The following COL24A1 variants were observed in gnomAD, a reference collection of about 807,000 sequenced individuals.
COL24A1 encodes the protein collagen type XXIV alpha 1 chain, also known as collagen alpha-1(XXIV) chain.
In COL24A1, 224 loss-of-function variants were observed where a neutral mutation model predicts 253.9. The observed-to-expected ratio is 0.88, with a 90% confidence interval of 0.79 to 0.99. The LOEUF is 0.99. Ranked by LOEUF, COL24A1 falls within the 50% of genes least tolerant of loss-of-function variation. COL24A1 has a pLI of 0.00. For missense variants in COL24A1, 2,131 were observed against 2,068.5 expected, an observed-to-expected ratio of 1.03 and a Z score of -0.59; for synonymous variants, 685 against 673.7, an observed-to-expected ratio of 1.02 and a Z score of -0.26.
At chr1:85,781,335 A>G (rs1319049026) in intron 51 of COL24A1, 62 bp from the exon 52 acceptor site, 3 of 1,146,308 alleles carry the variant, frequency 2.6e-6, no homozygotes, top group Non-Finnish European at 2.5e-6. Flanking sequence ...AAAACTCCAC[A>G]GAATCTCTTG....
chr1:85,990,257 T>C (rs575653446), intron 19 of COL24A1, among the ~76,000 whole-genome samples: 41 of 152,322 alleles, frequency 2.7e-4, no homozygotes, highest in African/African-American at 9.9e-4. Context: ...ATCCTGTCCA[T>C]CCTCCAGATA....
At chr1:85,767,215 A>G (rs1667477237) in intron 53 of COL24A1, among the ~76,000 whole-genome samples, 1 of 152,154 alleles carries the variant, frequency 6.6e-6, no homozygotes, top group Non-Finnish European at 1.5e-5. Flanking sequence ...TCTCAATACA[A>G]TAGGTCTTAG....
At chr1:85,934,143 C>A (rs908481893) in intron 24 of COL24A1, among the ~76,000 whole-genome samples, 4 of 152,056 alleles carry the variant, frequency 2.6e-5, no homozygotes, top group Non-Finnish European at 5.9e-5. Flanking sequence ...GTTGGCTTCC[C>A]CCAGATTAAG....
intron 43 of COL24A1, among the ~76,000 whole-genome samples, chr1:85,830,456 T>G (rs906021623): frequency 1.3e-5 from 2 of 152,120 alleles, no homozygotes; most frequent in East Asian, 3.9e-4. Context: ...CCACCCAGTT[T>G]GAGCTTCCCG....
intron 5 of COL24A1, among the ~76,000 whole-genome samples, chr1:86,102,372 G>A (rs1704547163): frequency 6.6e-6 from 1 of 151,994 alleles, no homozygotes; most frequent in South Asian, 2.1e-4. Context: ...GATTTTGCAT[G>A]TCTCAATCTC....
chr1:86,029,292 G>A (rs1698331406), intron 14 of COL24A1, among the ~76,000 whole-genome samples: 1 of 152,176 alleles, frequency 6.6e-6, no homozygotes, highest in South Asian at 2.1e-4. Flanking sequence ...AGATCACCTG[G>A]CTTCAAATCT....
intron 14 of COL24A1, among the ~76,000 whole-genome samples, chr1:86,026,436 T>G (rs1465950226): frequency 1.3e-5 from 2 of 152,188 alleles, no homozygotes; most frequent in Non-Finnish European, 2.9e-5. Flanking sequence ...CCCCATGCTA[T>G]TCTCATGATA....
At chr1:85,902,117 T>C (rs1684375811) in intron 28 of COL24A1, among the ~76,000 whole-genome samples, 1 of 152,174 alleles carries the variant, frequency 6.6e-6, no homozygotes, top group Non-Finnish European at 1.5e-5. Context: ...AAATGCCACA[T>C]GTTCTCACTT....
chr1:86,149,559 G>GTCTCACCT (rs1652444798), intron 1 of COL24A1, among the ~76,000 whole-genome samples: 1 of 152,190 alleles, frequency 6.6e-6, no homozygotes, highest in Admixed American at 6.5e-5. Flanking sequence ...ATGGAAGCAT[G>GTCTCACCT]TCTCACCTGC....
chr1:86,104,500 G>A (rs1288163982), intron 5 of COL24A1, among the ~76,000 whole-genome samples: 1 of 152,144 alleles, frequency 6.6e-6, no homozygotes, highest in Non-Finnish European at 1.5e-5. Flanking sequence ...TCTCATCTTT[G>A]TGGGCTGATG....
intron 53 of COL24A1, among the ~76,000 whole-genome samples, chr1:85,772,399 C>T (rs998577699): frequency 3.3e-5 from 5 of 151,792 alleles, no homozygotes; most frequent in South Asian, 2.1e-4. Flanking sequence ...GTCAGTGTGG[C>T]GATTCCTCAG....
intron 31 of COL24A1, among the ~76,000 whole-genome samples, chr1:85,891,310 C>T (rs943779915): frequency 2.0e-5 from 3 of 151,644 alleles, no homozygotes; most frequent in African/African-American, 7.3e-5. Flanking sequence ...GTGATCCACC[C>T]GCCTTGGCCT....
At chr1:85,874,767 C>T in intron 34 of COL24A1, 65 bp from the exon 35 acceptor site, 1 of 1,559,732 alleles carries the variant, frequency 6.4e-7, no homozygotes, top group Non-Finnish European at 8.8e-7. Context: ...TTATGGAGGG[C>T]ATGCCATACG....
chr1:85,959,942 T>A (rs113399510), intron 24 of COL24A1, among the ~76,000 whole-genome samples: 12 of 152,310 alleles, frequency 7.9e-5, no homozygotes, highest in African/African-American at 2.4e-4. Flanking sequence ...AGAAATATGT[T>A]ACAATCATAT....
At chr1:85,816,733 G>T in intron 47 of COL24A1, 55 bp downstream of exon 47, 2 of 1,434,898 alleles carry the variant, frequency 1.4e-6, no homozygotes, top group South Asian at 1.1e-5. Flanking sequence ...CTATGGTCTA[G>T]CAAGGAGACA....
At chr1:85,908,726 A>G in intron 26 of COL24A1, 75 bp from the exon 27 acceptor site, 1 of 617,482 alleles carries the variant, frequency 1.6e-6, no homozygotes, top group Non-Finnish European at 2.6e-6. Flanking sequence ...ACAAGCCAGT[A>G]AATTATAAAC....
At chr1:86,062,988 C>T (rs1049680897) in intron 8 of COL24A1, among the ~76,000 whole-genome samples, 11 of 152,036 alleles carry the variant, frequency 7.2e-5, no homozygotes, top group Non-Finnish European at 1.0e-4. Flanking sequence ...TCTTTAATAA[C>T]GGTATCCATC....
chr1:85,996,016 G>C (rs1161195485), intron 19 of COL24A1, among the ~76,000 whole-genome samples: 1 of 152,122 alleles, frequency 6.6e-6, no homozygotes, highest in African/African-American at 2.4e-5. Flanking sequence ...AGCAGTGCGA[G>C]AATGGATGAA....
At chr1:86,063,561 C>T (rs1701260766) in intron 8 of COL24A1, among the ~76,000 whole-genome samples, 154 bp downstream of exon 8, 1 of 151,920 alleles carries the variant, frequency 6.6e-6, no homozygotes, top group South Asian at 2.1e-4. Context: ...AAAAGATCTA[C>T]AGCTAATCAA....
Sources: gnomAD v4.1 joint callset for allele counts (sites outside exome capture counted in the v4.1 genomes callset) on GRCh38, gnomAD v4.1.1 for gene constraint, MANE v1.5 for transcripts, NCBI Gene and HGNC (gene_info 2026-07-23, HGNC 2026-07-21) for gene names.